The following NKAIN3 variants were observed in gnomAD, a reference collection of about 807,000 sequenced individuals.
NKAIN3 encodes sodium/potassium transporting ATPase interacting 3.
A neutral mutation model predicts 30.2 loss-of-function variants in NKAIN3; 25 were observed. That is an observed-to-expected ratio of 0.83 (90% CI 0.60 to 1.16). The LOEUF is 1.16. Among genes scored for constraint, NKAIN3 ranks in the 50% most tolerant of loss-of-function variants. NKAIN3 has a pLI of 0.00. For missense variants in NKAIN3, 225 were observed against 254.1 expected, an observed-to-expected ratio of 0.89 and a Z score of 0.78; for synonymous variants, 91 against 89.6, an observed-to-expected ratio of 1.02 and a Z score of -0.09.
At chr8:62,288,201 T>C (rs60441065) in intron 1 of NKAIN3, among the ~76,000 whole-genome samples, 1,547 of 152,156 alleles carry the variant, frequency 0.01, 23 homozygotes, top group African/African-American at 0.033. Context: ...GAGAACAGTG[T>C]TTTCATCAGC....
intron 1 of NKAIN3, among the ~76,000 whole-genome samples, chr8:62,359,276 T>C (rs893045224): frequency 2.6e-5 from 4 of 152,248 alleles, no homozygotes; most frequent in African/African-American, 9.6e-5. Context: ...GATTTGAGGA[T>C]ACCAATAAAT....
chr8:62,380,522 C>G (rs535679834), intron 1 of NKAIN3, among the ~76,000 whole-genome samples: 6 of 152,136 alleles, frequency 3.9e-5, no homozygotes, highest in African/African-American at 1.4e-4. Context: ...AAGGCCCTAA[C>G]CACCCCAGGT....
intron 1 of NKAIN3, among the ~76,000 whole-genome samples, chr8:62,377,150 C>T (rs1478146530): frequency 1.3e-5 from 2 of 152,064 alleles, no homozygotes; most frequent in Non-Finnish European, 2.9e-5. Context: ...TTAATTAGAA[C>T]TGGGTTTTCA....
At chr8:62,494,416 G>A (rs926339778) in intron 1 of NKAIN3, among the ~76,000 whole-genome samples, 2 of 151,988 alleles carry the variant, frequency 1.3e-5, no homozygotes, top group African/African-American at 4.8e-5. Context: ...TGCTGGATTT[G>A]GTCTGCAAAT....
chr8:62,320,082 T>A (rs1325936886), intron 1 of NKAIN3, among the ~76,000 whole-genome samples: 1 of 152,212 alleles, frequency 6.6e-6, no homozygotes, highest in Non-Finnish European at 1.5e-5. Context: ...TTTACCATTA[T>A]GTAATGGCCT....
intron 3 of NKAIN3, among the ~76,000 whole-genome samples, chr8:62,592,121 C>G (rs1488483547): frequency 6.6e-6 from 1 of 152,004 alleles, no homozygotes. Context: ...ATTTCCACAA[C>G]CTCTCTGTGG....
intron 3 of NKAIN3, among the ~76,000 whole-genome samples, chr8:62,706,928 T>C (rs1814540138): frequency 6.6e-6 from 1 of 152,086 alleles, no homozygotes; most frequent in South Asian, 2.1e-4. Context: ...AGTGAGAACG[T>C]ACGACATTTG....
At chr8:62,556,048 C>A (rs1384786347) in intron 1 of NKAIN3, among the ~76,000 whole-genome samples, 1 of 151,760 alleles carries the variant, frequency 6.6e-6, no homozygotes, top group African/African-American at 2.4e-5. Flanking sequence ...AAAGTATATT[C>A]TTTAGGAGGA....
At chr8:62,443,036 A>T (rs187789787) in intron 1 of NKAIN3, among the ~76,000 whole-genome samples, 119 of 152,144 alleles carry the variant, frequency 7.8e-4, no homozygotes, top group African/African-American at 2.6e-3. Flanking sequence ...ATGTGTACTT[A>T]ACATGTCTTT....
intron 1 of NKAIN3, among the ~76,000 whole-genome samples, chr8:62,566,463 GA>G (rs1269957413): frequency 2.8e-5 from 4 of 142,976 alleles, no homozygotes; most frequent in African/African-American, 7.7e-5. Flanking sequence ...ACTAAAGAAA[GA>G]AAAAAATTAA....
chr8:62,397,253 C>CT (rs757561673), intron 1 of NKAIN3, among the ~76,000 whole-genome samples: 7 of 120,942 alleles, frequency 5.8e-5, no homozygotes, highest in Admixed American at 8.2e-5. Context: ...CTTTTATTAT[C>CT]TTTTTCCTTA....
chr8:62,926,586 G>A (rs960776500), intron 5 of NKAIN3, among the ~76,000 whole-genome samples: 1 of 152,148 alleles, frequency 6.6e-6, no homozygotes, highest in African/African-American at 2.4e-5. Context: ...GATCACCCTA[G>A]CCTCATTTTA....
intron 4 of NKAIN3, among the ~76,000 whole-genome samples, chr8:62,767,558 A>G (rs1338208625): frequency 6.6e-6 from 1 of 151,952 alleles, no homozygotes; most frequent in Non-Finnish European, 1.5e-5. Flanking sequence ...TTCTTAAATC[A>G]GTTTGAGGAG....
chr8:62,946,577 T>G (rs1034873666), intron 5 of NKAIN3, among the ~76,000 whole-genome samples: 7 of 152,186 alleles, frequency 4.6e-5, no homozygotes, highest in African/African-American at 1.7e-4. Context: ...GGCCTCTCTG[T>G]GTGAACTAAG....
At chr8:62,694,254 T>C (rs1814082967) in intron 3 of NKAIN3, among the ~76,000 whole-genome samples, 1 of 152,162 alleles carries the variant, frequency 6.6e-6, no homozygotes. Context: ...CTTCCTAGCC[T>C]CTGGTAATTG....
chr8:62,796,789 TACAC>T lies in NKAIN3; in HGVS notation c.471+49684_471+49687del, dbSNP rs144656283. On this transcript the variant is annotated intron_variant, in intron 4 of 6. Coordinates refer to ENST00000623646, the MANE Select transcript of NKAIN3 (RefSeq NM_001304533.3). ...AGAATACTAGTTTTTGTATCACACA[TACAC>T]ACACACACACACACACACACACAAA... 5.6e-4 allele frequency among the ~76,000 whole-genome samples: 82 copies of T among 146,158 alleles called. No homozygotes were observed. In the East Asian group the frequency reaches 9.6e-3, roughly 17 times the overall value.
intron 1 of NKAIN3, among the ~76,000 whole-genome samples, chr8:62,359,918 GCT>G (rs1380328747): frequency 6.6e-6 from 1 of 152,174 alleles, no homozygotes; most frequent in Non-Finnish European, 1.5e-5. Context: ...TGATTTCAAG[GCT>G]CTTATTACAT....
chr8:62,279,695 A>G (rs186928587), intron 1 of NKAIN3, among the ~76,000 whole-genome samples: 6 of 152,168 alleles, frequency 3.9e-5, no homozygotes, highest in African/African-American at 1.2e-4. Flanking sequence ...GATAAGTGGT[A>G]TTATTTCTGA....
chr8:62,891,191 C>G (rs909684323), intron 4 of NKAIN3, among the ~76,000 whole-genome samples: 2 of 152,170 alleles, frequency 1.3e-5, no homozygotes, highest in Admixed American at 1.3e-4. Context: ...TGGGCACCAT[C>G]CAATCAACTG....
Sources: gnomAD v4.1 joint callset for allele counts (sites outside exome capture counted in the v4.1 genomes callset) on GRCh38, gnomAD v4.1.1 for gene constraint, MANE v1.5 for transcripts, NCBI Gene and HGNC (gene_info 2026-07-23, HGNC 2026-07-21) for gene names.